The following USP50 variants were observed in gnomAD, a reference collection of about 807,000 sequenced individuals.
USP50 encodes the protein ubiquitin carboxyl-terminal hydrolase 50.
In USP50, 37 loss-of-function variants were observed where a neutral mutation model predicts 39.2. The ratio of observed to expected loss-of-function variants is 0.94; its 90% confidence interval spans 0.73 to 1.24. The LOEUF is 1.24. Ranked by LOEUF, USP50 falls within the 50% of genes most tolerant of loss-of-function variation. The pLI, the probability that USP50 is intolerant of heterozygous loss-of-function variation, is 0.00. For missense variants in USP50, 374 were observed against 398.2 expected, an observed-to-expected ratio of 0.94 and a Z score of 0.52; for synonymous variants, 139 against 144.5, an observed-to-expected ratio of 0.96 and a Z score of 0.27.
At chr15:50,530,772 G>C (rs1248408404) in intron 5 of USP50, among the ~76,000 whole-genome samples, 3 of 152,048 alleles carry the variant, frequency 2.0e-5, no homozygotes, top group South Asian at 4.1e-4. Flanking sequence ...CAAAAAGAAA[G>C]GGATAACCAA....
intron 6 of USP50, chr15:50,509,236 G>C (rs1455281438): frequency 6.6e-6 from 1 of 151,898 alleles, no homozygotes; most frequent in Non-Finnish European, 1.5e-5. Context: ...AGGATGGCTC[G>C]AGCCTGGGAG....
intron 2 of USP50, among the ~76,000 whole-genome samples, chr15:50,544,382 AT>A (rs1436020873): frequency 4.0e-5 from 6 of 151,772 alleles, no homozygotes; most frequent in African/African-American, 1.2e-4. Context: ...ATAAAAAAAA[AT>A]AAAAAATAAA....
chr15:50,538,935 C>A, intron 4 of USP50, 84 bp from the exon 5 acceptor site: 1 of 1,424,114 alleles, frequency 7.0e-7, no homozygotes, highest in Non-Finnish European at 9.4e-7. Context: ...TTTGCAAATG[C>A]CGTGGAAATG....
downstream of USP50, chr15:50,499,680 A>ATT (rs2052542805): frequency 6.6e-6 from 1 of 152,058 alleles, no homozygotes; most frequent in Non-Finnish European, 1.5e-5. Flanking sequence ...GTATTTGTGC[A>ATT]CTAAATCTTT....
At chr15:50,497,374 AG>A (rs1313781323), downstream of USP50, 5 of 992,434 alleles carry the variant, frequency 5.0e-6, no homozygotes, top group East Asian at 1.5e-4. Flanking sequence ...AGGGAAATAA[AG>A]CAGAAATGAG....
At chr15:50,521,763 GA>G (rs1376088342) in intron 6 of USP50, among the ~76,000 whole-genome samples, 4 of 152,036 alleles carry the variant, frequency 2.6e-5, no homozygotes, top group Non-Finnish European at 5.9e-5. Flanking sequence ...AGGAGTTCAA[GA>G]CCAGCCTGGC....
chr15:50,526,736 G>T (rs1017372631), intron 6 of USP50, among the ~76,000 whole-genome samples: 1 of 152,154 alleles, frequency 6.6e-6, no homozygotes, highest in Non-Finnish European at 1.5e-5. Context: ...TGTCAGAGAC[G>T]AGAGCAAGAC....
intron 6 of USP50, among the ~76,000 whole-genome samples, chr15:50,516,656 C>T (rs143135556): frequency 4.4e-4 from 67 of 151,580 alleles, no homozygotes; most frequent in Admixed American, 3.4e-3. Flanking sequence ...ATACTAGCTA[C>T]GAGAGGCAGT....
At chr15:50,526,686 G>C (rs143068962) in intron 6 of USP50, among the ~76,000 whole-genome samples, 2 of 152,282 alleles carry the variant, frequency 1.3e-5, no homozygotes, top group African/African-American at 4.8e-5. Flanking sequence ...GGTAGATTTG[G>C]GCTCAATATA....
chr15:50,521,821 G>C (rs903603610), intron 6 of USP50, among the ~76,000 whole-genome samples: 1 of 152,008 alleles, frequency 6.6e-6, no homozygotes, highest in Admixed American at 6.6e-5. Context: ...AACACTAGCT[G>C]GGCATAGTGG....
chr15:50,500,594 T>G lies in USP50; in HGVS notation c.*175A>C, dbSNP rs1330775092. The G allele has an allele frequency of 8.8e-6, 5 of 569,628 alleles. No homozygotes were observed. The highest frequency in any genetic ancestry group is 1.2e-5 in the Non-Finnish European group (4 of 321,060). 35.3% of individuals were successfully genotyped at this position (569,628 alleles called of 1,614,324 possible). On this transcript the variant is annotated 3_prime_UTR_variant, in exon 7 of 7. Coordinates refer to ENST00000532404, the MANE Select transcript of USP50 (RefSeq NM_203494.5). ...TAAGAGTTTAATGACCAAGCAAAAC[T>G]CTACCACCAGATGCTGACTGCTTGT... is the stretch of plus-strand genomic sequence containing the variant.
intron 6 of USP50, among the ~76,000 whole-genome samples, chr15:50,529,078 T>C (rs1269320633): frequency 6.6e-6 from 1 of 152,172 alleles, no homozygotes; most frequent in Non-Finnish European, 1.5e-5. Context: ...GAAATCTTTA[T>C]TGATCATAGT....
rs575809844 is a variant in USP50 at position 50,525,735 on chromosome 15, G to GTA, written c.936+4060_936+4061dup. On this transcript the variant is annotated intron_variant, in intron 6 of 6. Transcript: ENST00000532404. ...TATATGTATATGTATATATGTATAT[G>GTA]TATATAATCTCTCAAAACATCACAT... is the stretch of plus-strand genomic sequence containing the variant. 4.2e-3 allele frequency among the ~76,000 whole-genome samples: 526 copies of GTA among 125,826 alleles called. 9 individuals carry two copies. The highest frequency in any genetic ancestry group is 0.017 in the African/African-American group (494 of 29,138). 82.5% of individuals were successfully genotyped at this position (125,826 alleles called of 152,430 possible). A position where few individuals can be genotyped will look rare whatever the true frequency, so the allele number is the denominator to read the frequency against.
At chr15:50,494,862 A>G (rs2052313978) in intron 1 of USP50, among the ~76,000 whole-genome samples, 1 of 152,106 alleles carries the variant, frequency 6.6e-6, no homozygotes, top group Non-Finnish European at 1.5e-5. Flanking sequence ...TAAAAATACA[A>G]AAATTGGCTG....
At chr15:50,505,698 C>T (rs536599086) in intron 6 of USP50, 1 of 152,524 alleles carries the variant, frequency 6.6e-6, no homozygotes, top group Admixed American at 6.5e-5. Flanking sequence ...GTGGTTCACA[C>T]CTGTAATCCC....
intron 3 of USP50, 138 bp from the exon 4 acceptor site, chr15:50,541,402 A>G (rs780535569): frequency 6.6e-5 from 45 of 679,152 alleles, no homozygotes; most frequent in Non-Finnish European, 3.2e-5. Context: ...GGTGCCAGCT[A>G]CTTGGGAGGT....
chr15:50,493,841 T>C (rs118102326), downstream of USP50: 16 of 672,224 alleles, frequency 2.4e-5, no homozygotes, highest in East Asian at 2.9e-5. Context: ...CTGGAGCCTG[T>C]TGATGATGAG....
chr15:50,499,030 C>T, downstream of USP50: 1 of 1,613,894 alleles, frequency 6.2e-7, no homozygotes, highest in Non-Finnish European at 8.5e-7. Context: ...AAATCTTCAG[C>T]AGCTTATATC....
chr15:50,540,290 T>C (rs2053017903), intron 4 of USP50, among the ~76,000 whole-genome samples: 3 of 152,116 alleles, frequency 2.0e-5, no homozygotes, highest in Non-Finnish European at 2.9e-5. Context: ...AGGCACTAGA[T>C]TCCATTCTCT....
Sources: allele counts gnomAD v4.1 joint callset (sites outside exome capture counted in the v4.1 genomes callset), GRCh38; gene constraint gnomAD v4.1.1; transcripts MANE v1.5; gene names NCBI Gene and HGNC (gene_info 2026-07-23, HGNC 2026-07-21).